The following HACL1 variants were observed in gnomAD, a reference collection of about 807,000 sequenced individuals.
HACL1 encodes the protein 1600020H07Rik.
HACL1 carries 64 observed loss-of-function variants against 74.2 expected under a neutral mutation model. The ratio of observed to expected loss-of-function variants is 0.86; its 90% CI spans 0.70 to 1.06. HACL1 has a LOEUF of 1.06. Among genes scored for constraint, HACL1 ranks in the 50% least tolerant of loss-of-function variants. HACL1 has a pLI of 0.00. For missense variants in HACL1, 728 were observed against 719.7 expected, an observed-to-expected ratio of 1.01 and a Z score of -0.13; for synonymous variants, 230 against 238.8, an observed-to-expected ratio of 0.96 and a Z score of 0.34.
intron 3 of HACL1, chr3:15,596,169 C>T: frequency 2.0e-6 from 1 of 504,680 alleles, no homozygotes; most frequent in Middle Eastern, 5.5e-4. Context: ...ACCAGTGATT[C>T]ACTCTACAAA....
intron 8 of HACL1, among the ~76,000 whole-genome samples, chr3:15,580,962 C>T (rs747785609): frequency 6.6e-6 from 1 of 152,232 alleles, no homozygotes; most frequent in Admixed American, 6.5e-5. Flanking sequence ...AGCGCAATGG[C>T]GCGATCTCGG....
At chr3:15,565,808 T>G (rs913014921) in intron 14 of HACL1, among the ~76,000 whole-genome samples, 1 of 152,192 alleles carries the variant, frequency 6.6e-6, no homozygotes, top group Non-Finnish European at 1.5e-5. Flanking sequence ...GAGTTCTGCA[T>G]CCGTGGATTT....
At chr3:15,588,804 A>ATTTTTTTTTTTTTTTTTTTTTTTTTT (rs1553644278) in intron 5 of HACL1, among the ~76,000 whole-genome samples, 3 of 149,648 alleles carry the variant, frequency 2.0e-5, no homozygotes, top group South Asian at 4.5e-4. Context: ...GTTTCTTTTA[A>ATTTTTTTTTTTTTTTTTTTTTTTTTT]TTTTGACATG....
intron 9 of HACL1, among the ~76,000 whole-genome samples, chr3:15,577,751 T>A (rs189946750): frequency 6.6e-6 from 1 of 151,860 alleles, no homozygotes; most frequent in African/African-American, 2.4e-5. Context: ...TCAGGTGTGA[T>A]TGCACCACTG....
intron 4 of HACL1, 44 bp downstream of exon 4, chr3:15,591,556 T>G (rs1258866551): frequency 1.7e-6 from 2 of 1,172,844 alleles, no homozygotes; most frequent in South Asian, 1.2e-5. Flanking sequence ...AATCCTGCAG[T>G]GACCTTTTTA....
At position 15,598,531 on chromosome 3, in the gene HACL1, C is replaced by T. The variant is rs1005591770; in HGVS notation, c.187-2107G>A. On this transcript the variant is annotated intron_variant, in intron 2 of 16. Coordinates refer to ENST00000321169, the MANE Select transcript of HACL1 (RefSeq NM_012260.4). Reference sequence around the variant, plus strand: ...TATAAAATGAAAATAATTCAAAGCACTGCTGTGAGGATGAAATCAGTTCGT... The same window carrying T: ...TATAAAATGAAAATAATTCAAAGCATTGCTGTGAGGATGAAATCAGTTCGT... Among the ~76,000 whole-genome samples the T allele has an allele frequency of 1.6e-4, 24 of 152,158 alleles. 1 individual carries two copies. The highest frequency in any genetic ancestry group is 9.2e-4 in the Admixed American group (14 of 15,274).
intron 4 of HACL1, among the ~76,000 whole-genome samples, chr3:15,589,984 G>C (rs796756860): frequency 6.6e-6 from 1 of 151,988 alleles, no homozygotes; most frequent in Non-Finnish European, 1.5e-5. Flanking sequence ...ACAGTGAGCC[G>C]AGATTGTGCC....
At chr3:15,586,737 C>T (rs946025264) in intron 5 of HACL1, 135 bp from the exon 6 acceptor site, 11 of 552,720 alleles carry the variant, frequency 2.0e-5, no homozygotes, top group African/African-American at 2.0e-4. Flanking sequence ...CTAGACTGTC[C>T]CTTAAAAGCC....
chr3:15,563,299 T>C, intron 16 of HACL1, 59 bp downstream of exon 16: 2 of 1,140,606 alleles, frequency 1.8e-6, no homozygotes, highest in South Asian at 2.6e-5. Flanking sequence ...AGATACTTTT[T>C]GGAGGGGGAT....
At chr3:15,560,928 A>G (rs1350228436) in intron 16 of HACL1, 31 bp from the exon 17 acceptor site, 8 of 1,528,370 alleles carry the variant, frequency 5.2e-6, no homozygotes, top group Non-Finnish European at 5.4e-6. Context: ...ACATTCAGTC[A>G]AAAGAAATGA....
At chr3:15,587,280 G>A (rs1434604098) in intron 5 of HACL1, among the ~76,000 whole-genome samples, 2 of 139,782 alleles carry the variant, frequency 1.4e-5, no homozygotes, top group East Asian at 2.1e-4. Context: ...CCAGATACTT[G>A]GATTCTTTCT....
intron 11 of HACL1, 51 bp from the exon 12 acceptor site, chr3:15,571,820 C>CTT (rs759202943): frequency 6.1e-4 from 188 of 306,982 alleles, no homozygotes; most frequent in South Asian, 2.2e-3. Context: ...TTTTCTTTGC[C>CTT]TTTTTTTTCT....
At chr3:15,588,035 G>A (rs1474302987) in intron 5 of HACL1, among the ~76,000 whole-genome samples, 2 of 151,734 alleles carry the variant, frequency 1.3e-5, no homozygotes, top group South Asian at 2.1e-4. Flanking sequence ...CGAGGATTAC[G>A]GGCACCCACC....
chr3:15,589,515 A>C, intron 5 of HACL1, 25 bp downstream of exon 5: 1 of 1,516,284 alleles, frequency 6.6e-7, no homozygotes, highest in Non-Finnish European at 9.1e-7. Context: ...AAAATAAAAA[A>C]AACCAAAATC....
At chr3:15,593,367 C>T (rs1403258653) in intron 3 of HACL1, among the ~76,000 whole-genome samples, 2 of 151,948 alleles carry the variant, frequency 1.3e-5, no homozygotes, top group South Asian at 2.1e-4. Flanking sequence ...GCAGATGCCA[C>T]CACACCCGGC....
intron 3 of HACL1, 161 bp downstream of exon 3, chr3:15,596,223 C>T: frequency 1.7e-6 from 1 of 589,556 alleles, no homozygotes; most frequent in Non-Finnish European, 3.1e-6. Context: ...TATCATTATT[C>T]TTTTGATGTG....
chr3:15,601,447 A>T lies in HACL1; in HGVS notation c.17T>A (p.Phe6Tyr). Residue 6 changes from phenylalanine (F) to tyrosine (Y), a missense_variant, in exon 1 of 17, where the codon TTC becomes TAC. Coordinates refer to ENST00000321169, the MANE Select transcript of HACL1 (RefSeq NM_012260.4). MPDSNFAERSEEQVSG... is the reference protein window; with the variant it reads MPDSNYAERSEEQVSG... ...CACCTGCTCCTCGCTGCGCTCTGCG[A>T]AGTTACTGTCCGGCATCTTCCACCG... is the stretch of plus-strand genomic sequence containing the variant. 1 of 1,613,606 alleles carries T rather than the reference A, an allele frequency of 6.2e-7. No homozygotes were observed. Among genetic ancestry groups the T allele is most frequent in the East Asian group, 2.2e-5 (1 of 44,882 alleles).
intron 14 of HACL1, 86 bp downstream of exon 14, chr3:15,567,758 A>T (rs966427978): frequency 7.9e-6 from 10 of 1,258,770 alleles, no homozygotes; most frequent in Admixed American, 5.2e-5. Context: ...TGAACGCTTC[A>T]TAAGTATTTG....
intron 5 of HACL1, 99 bp from the exon 6 acceptor site, chr3:15,586,701 G>C (rs1178017230): frequency 1.4e-6 from 1 of 712,942 alleles, no homozygotes; most frequent in Non-Finnish European, 2.5e-6. Flanking sequence ...TTTATGTTTA[G>C]AGGCAAGATG....
Sources: allele counts gnomAD v4.1 joint callset (sites outside exome capture counted in the v4.1 genomes callset), GRCh38; gene constraint gnomAD v4.1.1; transcripts MANE v1.5; gene names NCBI Gene and HGNC (gene_info 2026-07-23, HGNC 2026-07-21).